The following SIMC1 variants were observed in gnomAD, a reference collection of about 807,000 sequenced individuals.
SIMC1 encodes SUMO-interacting motif-containing protein 1.
In SIMC1, 55 loss-of-function variants were observed where a neutral mutation model predicts 82.3. The ratio of observed to expected loss-of-function variants is 0.67; its 90% CI spans 0.54 to 0.84. SIMC1 has a LOEUF of 0.84. Among genes scored for constraint, SIMC1 ranks in the 40% least tolerant of loss-of-function variants. The pLI is 0.00. For synonymous variants in SIMC1, 353 were observed against 426.3 expected, an observed-to-expected ratio of 0.83 and a Z score of 2.12; for missense variants, 915 against 1,107.2, an observed-to-expected ratio of 0.83 and a Z score of 2.46.
intron 5 of SIMC1, among the ~76,000 whole-genome samples, chr5:176,316,387 C>T (rs545210776): frequency 9.9e-5 from 15 of 151,804 alleles, no homozygotes; most frequent in African/African-American, 3.6e-4. Context: ...GCATTTAAGG[C>T]TGGGCGTGGT....
intron 1 of SIMC1, among the ~76,000 whole-genome samples, chr5:176,286,799 C>G (rs1319340650): frequency 6.6e-6 from 1 of 152,040 alleles, no homozygotes; most frequent in Non-Finnish European, 1.5e-5. Context: ...AAAATCAACC[C>G]TATCAAAAAG....
At chr5:176,257,186 G>T (rs1761874585) in intron 1 of SIMC1, among the ~76,000 whole-genome samples, 1 of 151,940 alleles carries the variant, frequency 6.6e-6, no homozygotes, top group Admixed American at 6.6e-5. Flanking sequence ...TATCTTTCGG[G>T]ATTTCATAAA....
In SIMC1 at chr5:176,286,444, C is replaced by T. The variant is rs1439013710; in HGVS notation, c.130-3210C>T. Among the ~76,000 whole-genome samples the T allele has an allele frequency of 2.6e-5, 4 of 152,326 alleles. No homozygotes were observed. The South Asian group carries it at 6.2e-4, about 24-fold the overall frequency. On this transcript the variant is annotated intron_variant, in intron 1 of 9. Transcript: ENST00000429602. ...AAACTGACCAGCCAAATGTAGAAAG[C>T]TGAAACTGGATCCCTTCCTTATACC...
chr5:176,316,066 T>G (rs569347247), intron 5 of SIMC1, among the ~76,000 whole-genome samples: 2 of 152,100 alleles, frequency 1.3e-5, no homozygotes, highest in Non-Finnish European at 2.9e-5. Context: ...TCCCAGCTAC[T>G]TGGGAGACCG....
intron 1 of SIMC1, among the ~76,000 whole-genome samples, chr5:176,249,765 A>G: frequency 7.1e-6 from 1 of 140,718 alleles, no homozygotes; most frequent in East Asian, 2.3e-4. Context: ...AATGGTGTGA[A>G]CCCGGGAGGT....
At chr5:176,303,580 G>A (rs1213691364) in intron 4 of SIMC1, among the ~76,000 whole-genome samples, 7 of 151,858 alleles carry the variant, frequency 4.6e-5, no homozygotes, top group Non-Finnish European at 7.4e-5. Context: ...TCGGCCTCCC[G>A]AAGTGCTGGG....
At chr5:176,308,547 A>AAC in intron 4 of SIMC1, 1 of 1,601,160 alleles carries the variant, frequency 6.2e-7, no homozygotes, top group South Asian at 1.1e-5. Context: ...AGAAGATAAG[A>AAC]ACACAAGGGC....
chr5:176,274,074 C>T (rs1315580531), intron 1 of SIMC1, among the ~76,000 whole-genome samples: 2 of 148,504 alleles, frequency 1.3e-5, no homozygotes, highest in East Asian at 2.0e-4. Flanking sequence ...CCTGAGGAAT[C>T]GCCACACTGA....
chr5:176,343,418 G>A (rs11134972), intron 9 of SIMC1, among the ~76,000 whole-genome samples: 79,624 of 151,506 alleles, frequency 0.53, 21,061 homozygotes, highest in Non-Finnish European at 0.57. Context: ...CTGCTCATTT[G>A]CCTCAATTCC....
At chr5:176,242,216 G>A (rs144224516) in intron 1 of SIMC1, among the ~76,000 whole-genome samples, 26 of 152,086 alleles carry the variant, frequency 1.7e-4, no homozygotes, top group African/African-American at 1.4e-4. Flanking sequence ...TTATTATCAC[G>A]GTAGTACAGT....
intron 1 of SIMC1, among the ~76,000 whole-genome samples, chr5:176,262,402 A>G (rs1762047048): frequency 6.6e-6 from 1 of 152,178 alleles, no homozygotes; most frequent in Non-Finnish European, 1.5e-5. Flanking sequence ...AAAAACTTGA[A>G]GCATTCCTAC....
intron 1 of SIMC1, among the ~76,000 whole-genome samples, chr5:176,275,051 AT>A (rs1446080051): frequency 6.6e-6 from 1 of 151,676 alleles, no homozygotes; most frequent in African/African-American, 2.4e-5. Context: ...CATTGAATCT[AT>A]AAATTACCTT....
At chr5:176,314,769 T>C (rs978164214) in intron 5 of SIMC1, among the ~76,000 whole-genome samples, 10 of 152,190 alleles carry the variant, frequency 6.6e-5, no homozygotes, top group African/African-American at 2.4e-4. Context: ...ATGGTTTGGC[T>C]TAGGATTTTT....
At chr5:176,308,967 A>C in intron 4 of SIMC1, 1 of 955,674 alleles carries the variant, frequency 1.0e-6, no homozygotes, top group Non-Finnish European at 1.7e-6. Context: ...CAGGAATTGC[A>C]ACAAGAAAAG....
chr5:176,337,067 TA>T lies in SIMC1; in HGVS notation c.2338del (p.Ser780AlafsTer24), dbSNP rs1561735064. On this transcript the variant is annotated frameshift_variant, in exon 9 of 10. Transcript: ENST00000429602. LOFTEE classifies it high-confidence loss of function. ...STSLLKCQSDKSQWQTWDELV... is the reference protein window; with the variant it reads ...STSLLKCQSDXSQWQTWDELV... Reference sequence around the variant, plus strand: ...CCATTTTACTATCTCTGCAGTCAGATAAAAGCCAGTGGCAGACTTGGGACGA... The same window carrying T: ...CCATTTTACTATCTCTGCAGTCAGATAAAGCCAGTGGCAGACTTGGGACGA... 2 of 1,613,994 alleles carry T rather than the reference TA, an allele frequency of 1.2e-6. No homozygotes were observed. The highest frequency in any genetic ancestry group is 1.7e-6 in the Non-Finnish European group (2 of 1,179,866).
At chr5:176,294,826 G>A (rs1409948963) in intron 2 of SIMC1, 8 of 549,154 alleles carry the variant, frequency 1.5e-5, no homozygotes, top group East Asian at 3.9e-5. Context: ...TTAGCCGGGC[G>A]TGGTGGTGGG....
At chr5:176,249,087 G>C in intron 1 of SIMC1, among the ~76,000 whole-genome samples, 1 of 152,142 alleles carries the variant, frequency 6.6e-6, no homozygotes. Flanking sequence ...TCTTTGCCAG[G>C]TTTTGGTATC....
At position 176,345,432 on chromosome 5, in the gene SIMC1, G is replaced by A. The variant is rs780012016; in HGVS notation, c.2663G>A (p.Trp888Ter). The change falls in exon 10 of 10, where the codon TGG (tryptophan) becomes TAG (stop). Residue 888 changes from tryptophan to a stop codon, truncating the protein, a stop_gained. Coordinates refer to ENST00000429602, the MANE Select transcript of SIMC1 (RefSeq NM_001308195.2). LOFTEE classifies it high-confidence loss of function. ...GATGCAGAGCCCTTTCAAAAGGGCTGGAGCGGCTCCTGAGGGCCTGCCAAG... is the reference window on the plus strand; with the variant it reads ...GATGCAGAGCCCTTTCAAAAGGGCTAGAGCGGCTCCTGAGGGCCTGCCAAG... ...NPDAEPFQKG[W>*]SGS The A allele has an allele frequency of 1.2e-6, 2 of 1,613,040 alleles. No individual in the cohort carries two copies. Among genetic ancestry groups the A allele is most frequent in the Non-Finnish European group, 1.7e-6 (2 of 1,179,402 alleles).
intron 3 of SIMC1, among the ~76,000 whole-genome samples, chr5:176,295,518 A>C (rs994927025): frequency 6.6e-6 from 1 of 152,236 alleles, no homozygotes; most frequent in African/African-American, 2.4e-5. Context: ...AATGGTTACC[A>C]GGGTTCATTC....
Sources: gnomAD v4.1 joint callset for allele counts (sites outside exome capture counted in the v4.1 genomes callset) on GRCh38, gnomAD v4.1.1 for gene constraint, MANE v1.5 for transcripts, NCBI Gene and HGNC (gene_info 2026-07-23, HGNC 2026-07-21) for gene names.